The following DHDDS variants were observed in gnomAD, a reference collection of about 807,000 sequenced individuals.
DHDDS encodes the protein dehydrodolichyl diphosphate synthase subunit.
In DHDDS, 16 loss-of-function variants were observed where a neutral mutation model predicts 46.2. That is an observed-to-expected ratio of 0.35 (90% CI 0.23 to 0.53). DHDDS has a LOEUF of 0.53. Among genes scored for constraint, DHDDS ranks in the 20% least tolerant of loss-of-function variants. DHDDS has a pLI of 0.94. For missense variants in DHDDS, 340 were observed against 423.7 expected (o/e 0.80, Z 1.73); for synonymous variants, 151 against 163.1 (o/e 0.93, Z 0.56).
At chr1:26,459,659 T>C (rs1028591780) in intron 7 of DHDDS, among the ~76,000 whole-genome samples, 2 of 152,206 alleles carry the variant, frequency 1.3e-5, no homozygotes, top group African/African-American at 4.8e-5. Flanking sequence ...GCAGCTACCA[T>C]TTGTTCATTG....
intron 6 of DHDDS, chr1:26,455,146 T>G (rs1048347559): frequency 3.9e-6 from 3 of 775,604 alleles, no homozygotes; most frequent in Non-Finnish European, 7.2e-6. Flanking sequence ...TTGATTTGCA[T>G]GATATCATGA....
chr1:26,445,990 TC>T (rs1423544619), intron 4 of DHDDS, among the ~76,000 whole-genome samples: 1 of 152,196 alleles, frequency 6.6e-6, no homozygotes, highest in Non-Finnish European at 1.5e-5. Context: ...GCCACTGCAC[TC>T]CAGCCTGGGT....
At chr1:26,454,578 C>A (rs1296877515) in intron 6 of DHDDS, 2 of 752,984 alleles carry the variant, frequency 2.7e-6, no homozygotes, top group Non-Finnish European at 2.2e-6. Context: ...GTGGATAGGA[C>A]AAATGGGCCC....
chr1:26,455,533 G>A (rs2075363102), intron 6 of DHDDS, among the ~76,000 whole-genome samples: 1 of 152,142 alleles, frequency 6.6e-6, no homozygotes, highest in African/African-American at 2.4e-5. Flanking sequence ...GATCACTTGA[G>A]CTCAGGAATT....
intron 6 of DHDDS, among the ~76,000 whole-genome samples, chr1:26,452,779 C>T (rs4659374): frequency 0.37 from 56,553 of 151,906 alleles, 12,155 homozygotes; most frequent in East Asian, 0.78. Flanking sequence ...CATAGCAAAG[C>T]TGAAATGAAC....
intron 8 of DHDDS, among the ~76,000 whole-genome samples, chr1:26,461,870 C>CAATT (rs1316297538): frequency 1.3e-5 from 2 of 152,148 alleles, no homozygotes; most frequent in Non-Finnish European, 2.9e-5. Context: ...AGCAAAGGCA[C>CAATT]AATTATCCAC....
At chr1:26,437,029 G>A (rs549101694) in intron 2 of DHDDS, among the ~76,000 whole-genome samples, 12 of 152,068 alleles carry the variant, frequency 7.9e-5, no homozygotes, top group African/African-American at 2.9e-4. Context: ...AATTAGCTGG[G>A]CATGGTGGCA....
intron 6 of DHDDS, among the ~76,000 whole-genome samples, chr1:26,449,263 T>TA (rs1005364130): frequency 1.3e-5 from 2 of 151,776 alleles, no homozygotes; most frequent in Non-Finnish European, 2.9e-5. Flanking sequence ...CGTGCCCAGC[T>TA]AATTTTTTGT....
intron 7 of DHDDS, among the ~76,000 whole-genome samples, chr1:26,458,997 A>G (rs1206980984): frequency 2.6e-5 from 4 of 152,218 alleles, no homozygotes; most frequent in Non-Finnish European, 4.4e-5. Context: ...AAGGGAAATA[A>G]GTGACAATGT....
At chr1:26,457,421 G>C (rs1191639754) in intron 6 of DHDDS, among the ~76,000 whole-genome samples, 1 of 151,830 alleles carries the variant, frequency 6.6e-6, no homozygotes, top group Non-Finnish European at 1.5e-5. Context: ...AGTGAGCCGA[G>C]ATCGTGCCAC....
At chr1:26,444,588 A>G (rs995586783) in intron 4 of DHDDS, among the ~76,000 whole-genome samples, 2 of 152,106 alleles carry the variant, frequency 1.3e-5, no homozygotes, top group Admixed American at 1.3e-4. Flanking sequence ...ACAAAAAAAT[A>G]CAAAAAAATT....
At position 26,447,581 on chromosome 1, in the gene DHDDS, G is replaced by C; in HGVS notation, c.463G>C (p.Ala155Pro). 2 of 1,614,114 alleles carry C rather than the reference G, an allele frequency of 1.2e-6. No individual in the cohort carries two copies. Among genetic ancestry groups the C allele is most frequent in the Non-Finnish European group, 1.7e-6 (2 of 1,179,998 alleles). Reference sequence around the variant, plus strand: ...CAGGTGTTTCCTGAATGTCTGTTTTGCATACACATCCCGTCATGAGATCAG... The same window carrying C: ...CAGGTGTTTCCTGAATGTCTGTTTTCCATACACATCCCGTCATGAGATCAG... ...YNKCFLNVCF[A>P]YTSRHEISNA... The change falls in exon 6 of 9, where the codon GCA becomes CCA. Residue 155 changes from alanine (A) to proline (P), a missense_variant. Transcript: ENST00000236342.
At chr1:26,451,121 G>A (rs1044503834) in intron 6 of DHDDS, among the ~76,000 whole-genome samples, 5 of 152,244 alleles carry the variant, frequency 3.3e-5, no homozygotes, top group African/African-American at 4.8e-5. Flanking sequence ...TGCCTCTGTG[G>A]GGTTAGTTAT....
chr1:26,436,589 A>G (rs1047134859), intron 2 of DHDDS, among the ~76,000 whole-genome samples: 2 of 151,482 alleles, frequency 1.3e-5, no homozygotes, highest in African/African-American at 4.8e-5. Context: ...ACGCCCGGCT[A>G]ACTTTTTGTA....
At chr1:26,461,056 T>C (rs904114112) in intron 8 of DHDDS, among the ~76,000 whole-genome samples, 1 of 152,046 alleles carries the variant, frequency 6.6e-6, no homozygotes, top group Non-Finnish European at 1.5e-5. Flanking sequence ...GTATTTTCAG[T>C]AGAGACAGTG....
At chr1:26,444,053 A>G (rs769738374) in intron 4 of DHDDS, among the ~76,000 whole-genome samples, 1 of 152,234 alleles carries the variant, frequency 6.6e-6, no homozygotes, top group Non-Finnish European at 1.5e-5. Flanking sequence ...TTTTGACTCC[A>G]GAGCTGAGCT....
chr1:26,464,388 T>C (rs1557451934), intron 8 of DHDDS, among the ~76,000 whole-genome samples: 1 of 152,242 alleles, frequency 6.6e-6, no homozygotes, highest in Non-Finnish European at 1.5e-5. Flanking sequence ...CAGTAAATTC[T>C]GTGAACTGCT....
chr1:26,445,390 C>T lies in DHDDS; in HGVS notation c.324-926C>T, dbSNP rs1352483191. On this transcript the variant is annotated intron_variant, in intron 4 of 8. Transcript: ENST00000236342. ...ATAAAATGCAACTGCCCAAAAAGGA[C>T]ACATGAGGTCGTGTAATGTATAGTA... Among the ~76,000 whole-genome samples, 3 of 152,200 alleles carry T rather than the reference C, an allele frequency of 2.0e-5. No individual in the cohort carries two copies. In the East Asian group the frequency reaches 5.8e-4, roughly 29 times the overall value.
intron 3 of DHDDS, among the ~76,000 whole-genome samples, chr1:26,442,210 G>C (rs975202183): frequency 2.6e-5 from 4 of 152,176 alleles, no homozygotes; most frequent in Admixed American, 2.6e-4. Context: ...CCCTTTGCAG[G>C]CTATTAAATG....
Sources: allele counts gnomAD v4.1 joint callset (sites outside exome capture counted in the v4.1 genomes callset), GRCh38; gene constraint gnomAD v4.1.1; transcripts MANE v1.5; gene names NCBI Gene and HGNC (gene_info 2026-07-23, HGNC 2026-07-21).